Variants in MED12L observed in about 807,000 individuals in gnomAD.
MED12L encodes the protein mediator of RNA polymerase II transcription subunit 12-like protein.
A neutral mutation model predicts 281.3 loss-of-function variants in MED12L; 60 were observed. That is an observed-to-expected ratio of 0.21 (90% CI 0.17 to 0.26). MED12L has a LOEUF of 0.26. Among genes scored for constraint, MED12L ranks in the 10% least tolerant of loss-of-function variants. MED12L has a pLI of 1.00. For synonymous variants in MED12L, 974 were observed against 987.2 expected (o/e 0.99, Z 0.25); for missense variants, 2,146 against 2,680.9 (o/e 0.80, Z 4.41).
chr3:151,255,318 T>C (rs928502016), intron 16 of MED12L, among the ~76,000 whole-genome samples: 7 of 152,172 alleles, frequency 4.6e-5, no homozygotes, highest in African/African-American at 1.7e-4. Flanking sequence ...TGACATGCAG[T>C]GTGACTTAAA....
At position 151,128,072 on chromosome 3, in the gene MED12L, G is replaced by A. The variant is rs1226758187; in HGVS notation, c.556+88G>A. ...GTACCCTCTGGATACAGCCCAGCATGGTGAGTGTTGAGAAGGTCCGTGGTG... is the reference window on the plus strand; with the variant it reads ...GTACCCTCTGGATACAGCCCAGCATAGTGAGTGTTGAGAAGGTCCGTGGTG... On this transcript the variant is annotated intron_variant, in intron 5 of 44. Coordinates refer to ENST00000687756, the MANE Select transcript of MED12L (RefSeq NM_001393769.1). The A allele has an allele frequency of 7.4e-6, 9 of 1,210,554 alleles. No individual in the cohort carries two copies. In the Admixed American group the frequency reaches 1.5e-4, roughly 20 times the overall value. 75.0% of individuals were successfully genotyped at this position (1,210,554 alleles called of 1,614,324 possible). A position where few individuals can be genotyped will look rare whatever the true frequency, so the allele number is the denominator to read the frequency against.
intron 16 of MED12L, among the ~76,000 whole-genome samples, chr3:151,298,192 T>C (rs1329721939): frequency 6.6e-6 from 1 of 152,182 alleles, no homozygotes; most frequent in African/African-American, 2.4e-5. Context: ...CCAAAACGTA[T>C]AGGTGTACTC....
At chr3:151,374,793 G>C (rs952705669) in intron 27 of MED12L, among the ~76,000 whole-genome samples, 3 of 152,034 alleles carry the variant, frequency 2.0e-5, no homozygotes, top group Admixed American at 2.0e-4. Flanking sequence ...CTATAGAATA[G>C]CTTACTTTCA....
At chr3:151,140,703 A>G (rs1350035513) in intron 5 of MED12L, among the ~76,000 whole-genome samples, 2 of 152,058 alleles carry the variant, frequency 1.3e-5, no homozygotes, top group African/African-American at 4.8e-5. Flanking sequence ...TTTTTGAGAC[A>G]GAGTCTTGTT....
At chr3:151,199,527 C>G (rs1363515114) in intron 16 of MED12L, 1 of 680,052 alleles carries the variant, frequency 1.5e-6, no homozygotes, top group Non-Finnish European at 2.4e-6. Context: ...ATACCGTTGT[C>G]TTTCCAGTTC....
Position 151,160,022 on chromosome 3 carries a change from C to T in MED12L, c.1028C>T (p.Pro343Leu). Residue 343 changes from proline (P) to leucine (L), a missense_variant, in exon 8 of 45, where the codon CCC (proline) becomes CTC (leucine). Coordinates refer to ENST00000687756, the MANE Select transcript of MED12L (RefSeq NM_001393769.1). ...GGCCCCCCCGGCCCTGGCATGAGCCCCGTGCAGCTGGCCTTCTCAGATTTT... is the reference window on the plus strand; with the variant it reads ...GGCCCCCCCGGCCCTGGCATGAGCCTCGTGCAGCTGGCCTTCTCAGATTTT... ...SPGPPGPGMS[P>L]VQLAFSDFLS... is the part of the protein sequence containing the mutation. 6.2e-7 allele frequency: 1 copy of T among 1,614,202 alleles called. No homozygotes were observed. The highest frequency in any genetic ancestry group is 8.5e-7 in the Non-Finnish European group (1 of 1,180,012).
intron 11 of MED12L, among the ~76,000 whole-genome samples, chr3:151,172,185 T>C (rs181314895): frequency 6.6e-6 from 1 of 152,224 alleles, no homozygotes; most frequent in Non-Finnish European, 1.5e-5. Context: ...ATCAGCAGTT[T>C]AGTGTATTTC....
At chr3:151,106,901 C>T (rs146181595) in intron 2 of MED12L, among the ~76,000 whole-genome samples, 2 of 152,222 alleles carry the variant, frequency 1.3e-5, no homozygotes, top group Non-Finnish European at 2.9e-5. Flanking sequence ...ACTTATCTGT[C>T]TCTATATTTA....
At chr3:151,341,190 T>G (rs1290079827) in intron 16 of MED12L, among the ~76,000 whole-genome samples, 1 of 152,162 alleles carries the variant, frequency 6.6e-6, no homozygotes, top group Admixed American at 6.6e-5. Context: ...TGGCTAGGGA[T>G]GTTAAGTCTC....
At position 151,158,793 on chromosome 3, in the gene MED12L, G is replaced by A. The variant is rs1319436679; in HGVS notation, c.831G>A (p.Met277Ile). The change falls in exon 7 of 45, where the codon ATG becomes ATA. Residue 277 changes from methionine (M) to isoleucine (I), a missense_variant. Around this residue, in one of 9 missense-constraint regions of MED12L, gnomAD observed 722 missense variants for 861.2 expected, o/e 0.84. Transcript: ENST00000687756. Reference sequence around the variant, plus strand: ...TTCTTAAACTCTTGCTACCACTAATGCTGCAGGTATAGTACATGTCCCCTT... The same window carrying A: ...TTCTTAAACTCTTGCTACCACTAATACTGCAGGTATAGTACATGTCCCCTT... ...DDLLKLLLPL[M>I]LQYSDEFVQS... is the part of the protein sequence containing the mutation. 1 of 1,605,926 alleles carries A rather than the reference G, an allele frequency of 6.2e-7. No homozygotes were observed. Among genetic ancestry groups the A allele is most frequent in the South Asian group, 1.1e-5 (1 of 90,718 alleles).
intron 16 of MED12L, among the ~76,000 whole-genome samples, chr3:151,264,080 C>A (rs921415641): frequency 3.3e-5 from 5 of 152,178 alleles, no homozygotes; most frequent in African/African-American, 1.2e-4. Context: ...AGTTCTACTT[C>A]ATTTCACTGA....
chr3:151,213,189 G>T, intron 16 of MED12L: 1 of 779,422 alleles, frequency 1.3e-6, no homozygotes, highest in Non-Finnish European at 2.0e-6. Context: ...AAATTGGATG[G>T]CAGTGCTAGA....
chr3:151,346,615 C>G (rs891129829), intron 16 of MED12L, among the ~76,000 whole-genome samples: 1 of 152,098 alleles, frequency 6.6e-6, no homozygotes, highest in South Asian at 2.1e-4. Context: ...TTATGTATCC[C>G]CTCCCCTGAC....
At chr3:151,275,544 T>C (rs1305993112) in intron 16 of MED12L, among the ~76,000 whole-genome samples, 1 of 152,210 alleles carries the variant, frequency 6.6e-6, no homozygotes, top group African/African-American at 2.4e-5. Context: ...AGTATTTCAC[T>C]TTGACTTTAA....
intron 16 of MED12L, among the ~76,000 whole-genome samples, chr3:151,348,143 A>G (rs1422008268): frequency 6.6e-6 from 1 of 152,116 alleles, no homozygotes; most frequent in Admixed American, 6.5e-5. Flanking sequence ...CCTCAAATAG[A>G]TATTCTATAA....
intron 16 of MED12L, among the ~76,000 whole-genome samples, chr3:151,342,127 G>C (rs180781548): frequency 6.6e-6 from 1 of 152,264 alleles, no homozygotes; most frequent in Admixed American, 6.5e-5. Flanking sequence ...GGTATTTCTA[G>C]TTCTAGATCA....
At chr3:151,310,080 G>C (rs967046821) in intron 16 of MED12L, among the ~76,000 whole-genome samples, 3 of 152,262 alleles carry the variant, frequency 2.0e-5, no homozygotes, top group Middle Eastern at 3.4e-3. Flanking sequence ...ATAGCTCACT[G>C]TAAAGTTGGG....
chr3:151,208,976 T>C (rs1196539845), intron 16 of MED12L, among the ~76,000 whole-genome samples: 1 of 152,188 alleles, frequency 6.6e-6, no homozygotes. Context: ...TCTTAAGTCC[T>C]GTGTTGCAGG....
chr3:151,198,626 A>G (rs1725039632), intron 16 of MED12L: 1 of 1,613,904 alleles, frequency 6.2e-7, no homozygotes. Context: ...GCAATCAGTT[A>G]TGACTTCTGT....
Sources: gnomAD v4.1 joint callset for allele counts (sites outside exome capture counted in the v4.1 genomes callset) on GRCh38, gnomAD v4.1.1 for gene constraint, gnomAD v4.1.1 regional missense constraint, MANE v1.5 for transcripts, NCBI Gene and HGNC (gene_info 2026-07-23, HGNC 2026-07-21) for gene names.